Variants in ZNF679 observed in about 807,000 individuals in gnomAD.
ZNF679 encodes hypothetical protein MGC42415.
ZNF679 carries 10 observed loss-of-function variants against 13.4 expected under a neutral mutation model. The observed-to-expected ratio is 0.75, with a 90% CI of 0.46 to 1.27. The LOEUF (loss-of-function observed/expected upper bound fraction) is 1.27. Among genes scored for constraint, ZNF679 ranks in the 50% most tolerant of loss-of-function variants. ZNF679 has a pLI of 0.00. For missense variants in ZNF679, 525 were observed against 477.8 expected, an observed-to-expected ratio of 1.10 and a Z score of -0.92; for synonymous variants, 179 against 162.5, an observed-to-expected ratio of 1.10 and a Z score of -0.77.
At chr7:64,248,271 C>T (rs1787894334) in intron 1 of ZNF679, among the ~76,000 whole-genome samples, 1 of 151,784 alleles carries the variant, frequency 6.6e-6, no homozygotes, top group Non-Finnish European at 1.5e-5. Context: ...TCTGCCCGGA[C>T]ATGTGGCAAA....
intron 2 of ZNF679, among the ~76,000 whole-genome samples, chr7:64,258,698 CA>C (rs548892451): frequency 0.093 from 9,146 of 98,788 alleles, 300 homozygotes; most frequent in Admixed American, 0.13. Context: ...AAGATGGTCT[CA>C]AAAAAAAAAA....
intron 1 of ZNF679, among the ~76,000 whole-genome samples, chr7:64,228,888 G>A (rs946288596): frequency 2.0e-5 from 3 of 152,206 alleles, no homozygotes; most frequent in Admixed American, 1.3e-4. Flanking sequence ...ACAGTGAGCT[G>A]TGTCCATATG....
At chr7:64,238,693 A>G (rs1308093688) in intron 1 of ZNF679, among the ~76,000 whole-genome samples, 1 of 152,138 alleles carries the variant, frequency 6.6e-6, no homozygotes, top group Non-Finnish European at 1.5e-5. Context: ...CAGCCACAAC[A>G]CTACTTTAGA....
At chr7:64,244,988 C>G (rs1166248535) in intron 1 of ZNF679, among the ~76,000 whole-genome samples, 1 of 152,128 alleles carries the variant, frequency 6.6e-6, no homozygotes, top group Non-Finnish European at 1.5e-5. Flanking sequence ...GAAACTTCAT[C>G]CATTTTGTTG....
chr7:64,249,016 C>T lies in ZNF679; in HGVS notation c.-90-12C>T, dbSNP rs1787906158. 2 of 1,553,930 alleles carry T rather than the reference C, an allele frequency of 1.3e-6. No homozygotes were observed. The highest frequency in any genetic ancestry group is 8.8e-7 in the Non-Finnish European group (1 of 1,140,406). ...GTAATTTTCCGGGTCCTTTGTGTTTCTCTGCGTCCAGAGCTCCAGTTCTTC... is the reference window on the plus strand; with the variant it reads ...GTAATTTTCCGGGTCCTTTGTGTTTTTCTGCGTCCAGAGCTCCAGTTCTTC... On this transcript the variant is annotated splice_polypyrimidine_tract_variant and intron_variant, in intron 1 of 4. Transcript: ENST00000421025.
intron 2 of ZNF679, among the ~76,000 whole-genome samples, chr7:64,251,313 G>A (rs984810802): frequency 2.6e-5 from 4 of 152,052 alleles, no homozygotes; most frequent in Admixed American, 1.3e-4. Context: ...AATTAGCCAG[G>A]TGTGGTGGTG....
chr7:64,255,038 T>A (rs1183948232), intron 2 of ZNF679, among the ~76,000 whole-genome samples: 1 of 150,322 alleles, frequency 6.7e-6, no homozygotes, highest in East Asian at 2.0e-4. Flanking sequence ...TGCTTCCTAG[T>A]TAGCAAACTC....
intron 1 of ZNF679, among the ~76,000 whole-genome samples, chr7:64,229,009 A>G (rs1029155986): frequency 1.3e-5 from 2 of 152,124 alleles, no homozygotes; most frequent in African/African-American, 2.4e-5. Context: ...TCTTCACACA[A>G]CATGCTTGAG....
At position 64,245,224 on chromosome 7, in the gene ZNF679, C is replaced by T. The variant is rs532271195; in HGVS notation, c.-90-3804C>T. On this transcript the variant is annotated intron_variant, in intron 1 of 4. Transcript: ENST00000421025. ...TATTTTTAGTAGAGACAAGGTTTTGCCATGTTGGCCAGGCTGGTCTTGAAC... is the reference window on the plus strand; with the variant it reads ...TATTTTTAGTAGAGACAAGGTTTTGTCATGTTGGCCAGGCTGGTCTTGAAC... Among the ~76,000 whole-genome samples, 24 of 152,252 alleles carry T rather than the reference C, an allele frequency of 1.6e-4. No homozygotes were observed. In the South Asian group the frequency reaches 5.0e-3, roughly 32 times the overall value.
chr7:64,255,355 G>C (rs1028837594), intron 2 of ZNF679, among the ~76,000 whole-genome samples: 1 of 152,084 alleles, frequency 6.6e-6, no homozygotes, highest in East Asian at 1.9e-4. Context: ...CCACCACAGC[G>C]CTTTTGCTTT....
chr7:64,246,759 A>G (rs1282265683), intron 1 of ZNF679, among the ~76,000 whole-genome samples: 1 of 150,876 alleles, frequency 6.6e-6, no homozygotes, highest in African/African-American at 2.4e-5. Flanking sequence ...AAAGAGAAAG[A>G]AAGGAAGGAA....
intron 2 of ZNF679, among the ~76,000 whole-genome samples, chr7:64,259,164 G>A (rs567014096): frequency 2.0e-5 from 3 of 152,174 alleles, no homozygotes; most frequent in Admixed American, 1.3e-4. Context: ...CACCCGCCTT[G>A]GCCCCACAAA....
intron 1 of ZNF679, among the ~76,000 whole-genome samples, chr7:64,246,924 C>G (rs1787877840): frequency 6.6e-6 from 1 of 152,140 alleles, no homozygotes; most frequent in South Asian, 2.1e-4. Context: ...ACAGTTATTT[C>G]TTGATTATAT....
In ZNF679 at chr7:64,260,134, G is replaced by C. The variant is rs766601254; in HGVS notation, c.40-87G>C. The C allele has an allele frequency of 3.3e-6, 4 of 1,207,804 alleles. No individual in the cohort carries two copies. The African/African-American group carries it at 4.6e-5, about 14-fold the overall frequency. The allele number at this position is 1,207,804 out of a possible 1,614,324, so 74.8% of individuals were successfully genotyped here. The stretch of plus-strand genomic sequence containing the variant: ...AACACTTCTTTTTACTCTCTAACTT[G>C]AGTCAAATAAAAATCTCTGCCTACG... On this transcript the variant is annotated intron_variant, in intron 2 of 4. Transcript: ENST00000421025.
chr7:64,260,168 G>T, intron 2 of ZNF679, 53 bp from the exon 3 acceptor site: 2 of 1,509,534 alleles, frequency 1.3e-6, no homozygotes, highest in Admixed American at 4.2e-5. Context: ...CGGCCACATA[G>T]TAAGTGTTTG....
At chr7:64,232,436 T>A (rs1467261298) in intron 1 of ZNF679, among the ~76,000 whole-genome samples, 3 of 152,208 alleles carry the variant, frequency 2.0e-5, no homozygotes, top group Non-Finnish European at 4.4e-5. Flanking sequence ...TCTTATTGGC[T>A]GGGTCCATCT....
chr7:64,238,054 T>C (rs1247879865), intron 1 of ZNF679, among the ~76,000 whole-genome samples: 1 of 152,164 alleles, frequency 6.6e-6, no homozygotes, highest in African/African-American at 2.4e-5. Flanking sequence ...ATCATTACCA[T>C]TGTTCTTCAC....
chr7:64,261,477 G>T (rs1788076541), intron 4 of ZNF679, among the ~76,000 whole-genome samples: 1 of 151,508 alleles, frequency 6.6e-6, no homozygotes, highest in African/African-American at 2.4e-5. Context: ...TGCTGTGGGG[G>T]GATATACAAG....
At chr7:64,236,978 AG>A (rs1787733547) in intron 1 of ZNF679, among the ~76,000 whole-genome samples, 4 of 59,066 alleles carry the variant, frequency 6.8e-5, no homozygotes, top group African/African-American at 3.6e-4. Context: ...AGAAAGAAAA[AG>A]AAAGAAAGAA....
Sources: gnomAD v4.1 joint callset for allele counts (sites outside exome capture counted in the v4.1 genomes callset) on GRCh38, gnomAD v4.1.1 for gene constraint, MANE v1.5 for transcripts, NCBI Gene and HGNC (gene_info 2026-07-23, HGNC 2026-07-21) for gene names.